Variants in LRRCC1 observed in about 807,000 individuals in gnomAD.
LRRCC1 encodes the protein leucine rich repeat and coiled-coil centrosomal protein 1.
Under a neutral mutation model 126.0 loss-of-function variants are expected in LRRCC1, and 115 were observed. That is an observed-to-expected ratio of 0.91 (90% CI 0.78 to 1.07). LRRCC1 has a LOEUF of 1.07. Ranked by LOEUF, LRRCC1 falls within the 50% of genes least tolerant of loss-of-function variation. The pLI, the probability that LRRCC1 is intolerant of heterozygous loss-of-function variation, is 0.00. For missense variants in LRRCC1, 1,172 were observed against 1,175.7 expected (o/e 1.00, Z 0.05); for synonymous variants, 400 against 393.4 (o/e 1.02, Z -0.20).
intron 1 of LRRCC1, 139 bp downstream of exon 1, chr8:85,107,538 C>T (rs1346333596): frequency 7.3e-6 from 5 of 684,304 alleles, no homozygotes; most frequent in African/African-American, 5.4e-5. Flanking sequence ...CTTTCGGCCT[C>T]CCCGCTCCTC....
intron 6 of LRRCC1, among the ~76,000 whole-genome samples, chr8:85,121,899 T>C: frequency 6.6e-6 from 1 of 152,222 alleles, no homozygotes; most frequent in East Asian, 1.9e-4. Flanking sequence ...TGCTCTTTAT[T>C]TCTTCTTGAG....
At chr8:85,107,492 A>C in intron 1 of LRRCC1, 93 bp downstream of exon 1, 1 of 1,103,420 alleles carries the variant, frequency 9.1e-7, no homozygotes, top group Non-Finnish European at 1.3e-6. Context: ...GAGGCGCGGC[A>C]CTGCTTTACC....
intron 9 of LRRCC1, 109 bp downstream of exon 9, chr8:85,126,946 G>T: frequency 1.1e-6 from 1 of 945,612 alleles, no homozygotes; most frequent in Non-Finnish European, 1.5e-6. Context: ...AATGTATGTG[G>T]TTTTAGTTTG....
chr8:85,126,280 G>A (rs1252126380), intron 8 of LRRCC1, among the ~76,000 whole-genome samples: 4 of 152,186 alleles, frequency 2.6e-5, no homozygotes, highest in East Asian at 1.9e-4. Context: ...TTTTTGGCCC[G>A]GCGCAGTGGC....
chr8:85,135,053 A>G (rs758260049), intron 13 of LRRCC1, 21 bp downstream of exon 13: 6 of 1,429,188 alleles, frequency 4.2e-6, no homozygotes, highest in African/African-American at 3.0e-5. Flanking sequence ...GCAACATTAT[A>G]TGTTTTAAAA....
At chr8:85,141,657 C>T (rs1587450983) in intron 18 of LRRCC1, 140 bp downstream of exon 18, 1 of 619,090 alleles carries the variant, frequency 1.6e-6, no homozygotes, top group Admixed American at 3.5e-5. Context: ...CCAAAACTAT[C>T]CTAAAACCAG....
intron 6 of LRRCC1, among the ~76,000 whole-genome samples, chr8:85,115,947 C>T (rs1809089082): frequency 6.6e-6 from 1 of 152,216 alleles, no homozygotes; most frequent in Non-Finnish European, 1.5e-5. Flanking sequence ...CCTCTACTAT[C>T]TCTTCAGTGG....
intron 18 of LRRCC1, among the ~76,000 whole-genome samples, chr8:85,144,440 GTGTGTATATATA>G (rs1376022234): frequency 0.033 from 1,236 of 37,190 alleles, 43 homozygotes; most frequent in African/African-American, 0.12. Context: ...GTGTGTGTGT[GTGTGTATATATA>G]TATATATATA....
intron 6 of LRRCC1, among the ~76,000 whole-genome samples, chr8:85,119,828 C>T (rs1247703168): frequency 6.6e-6 from 1 of 152,150 alleles, no homozygotes. Flanking sequence ...CTTAGGTCAT[C>T]GATTTTAGAC....
chr8:85,122,398 C>T (rs1341715894), intron 6 of LRRCC1, among the ~76,000 whole-genome samples: 3 of 152,074 alleles, frequency 2.0e-5, no homozygotes, highest in African/African-American at 7.2e-5. Flanking sequence ...TCTCAAAATT[C>T]ACTGAGGCTC....
chr8:85,118,714 T>C (rs1475154827), intron 6 of LRRCC1, among the ~76,000 whole-genome samples: 1 of 152,158 alleles, frequency 6.6e-6, no homozygotes, highest in Non-Finnish European at 1.5e-5. Context: ...ATTTTTAAAT[T>C]GGGTTGTTTA....
chr8:85,112,667 G>T (rs908801806), intron 3 of LRRCC1, among the ~76,000 whole-genome samples: 3 of 152,122 alleles, frequency 2.0e-5, no homozygotes. Context: ...ATCCACCTGG[G>T]GAAGTTCTTT....
Position 85,126,709 on chromosome 8 carries a change from C to A in LRRCC1, c.1293C>A (p.Asp431Glu). The A allele has an allele frequency of 6.2e-7, 1 of 1,611,938 alleles. No individual in the cohort carries two copies. The highest frequency in any genetic ancestry group is 8.5e-7 in the Non-Finnish European group (1 of 1,179,650). ...TTCAGTCCCTTGTTGAACAGCTAGA[C>A]CAAGAGAGAGAGAAGAGATGGAGAG... ...NTYQSLVEQL[D>E]QEREKRWRAE... Residue 431 changes from aspartate (D) to glutamate (E), a missense_variant, in exon 9 of 19, where the codon GAC (aspartate) becomes GAA (glutamate). Transcript: ENST00000360375.
At chr8:85,126,925 C>T in intron 9 of LRRCC1, 88 bp downstream of exon 9, 8 of 1,081,274 alleles carry the variant, frequency 7.4e-6, no homozygotes, top group Non-Finnish European at 1.0e-5. Context: ...CAGTGTGGTT[C>T]AATCAACAAC....
At chr8:85,130,984 A>C (rs1484899486) in intron 11 of LRRCC1, among the ~76,000 whole-genome samples, 1 of 152,202 alleles carries the variant, frequency 6.6e-6, no homozygotes, top group African/African-American at 2.4e-5. Flanking sequence ...CAACATTTTC[A>C]GTTTATCTAT....
intron 14 of LRRCC1, among the ~76,000 whole-genome samples, chr8:85,137,133 T>C (rs1810932042): frequency 6.6e-6 from 1 of 152,176 alleles, no homozygotes; most frequent in South Asian, 2.1e-4. Flanking sequence ...AGCCAAGATA[T>C]TTGGTCTTAA....
At chr8:85,114,212 C>A (rs975567308) in intron 4 of LRRCC1, among the ~76,000 whole-genome samples, 1 of 150,964 alleles carries the variant, frequency 6.6e-6, no homozygotes, top group Non-Finnish European at 1.5e-5. Context: ...CTTTTCTCTG[C>A]TAAACCCTCA....
chr8:85,124,811 C>T lies in LRRCC1; in HGVS notation c.1144C>T (p.Pro382Ser), dbSNP rs969004600. The part of the protein sequence containing the change: ...SFVSCNRKMK[P>S]PYLKELYVSS... ...TTACAGTTGTAATCGTAAAATGAAA[C>T]CACCTTACCTTAAAGAATTATATGT... Residue 382 changes from proline to serine, a missense_variant, in exon 8 of 19, where the codon CCA becomes TCA. Transcript: ENST00000360375. 1 of 1,564,234 alleles carries T rather than the reference C, an allele frequency of 6.4e-7. No individual in the cohort carries two copies. Among genetic ancestry groups the T allele is most frequent in the Non-Finnish European group, 8.7e-7 (1 of 1,152,458 alleles).
At chr8:85,125,402 G>A (rs1487278436) in intron 8 of LRRCC1, among the ~76,000 whole-genome samples, 3 of 151,866 alleles carry the variant, frequency 2.0e-5, no homozygotes, top group Non-Finnish European at 4.4e-5. Context: ...GGCCGGGCGC[G>A]GTGGCTCACG....
Sources: allele counts gnomAD v4.1 joint callset (sites outside exome capture counted in the v4.1 genomes callset), GRCh38; gene constraint gnomAD v4.1.1; transcripts MANE v1.5; gene names NCBI Gene and HGNC (gene_info 2026-07-23, HGNC 2026-07-21).